MYO1D: variants seen among roughly 807,000 people sequenced by gnomAD.
MYO1D encodes myosin ID.
A neutral mutation model predicts 122.0 loss-of-function variants in MYO1D; 83 were observed. The ratio of observed to expected loss-of-function variants is 0.68; its 90% CI spans 0.57 to 0.82. The LOEUF (loss-of-function observed/expected upper bound fraction) is 0.82, where lower values mean the gene tolerates loss of function less well. Among genes scored for constraint, MYO1D ranks in the 40% least tolerant of loss-of-function variants. The probability of loss-of-function intolerance (pLI) is 0.00; values close to 1 mark genes in which losing one functional copy is unlikely to be tolerated. For missense variants in MYO1D, 1,157 were observed against 1,269.5 expected, an observed-to-expected ratio of 0.91 and a Z score of 1.35; for synonymous variants, 464 against 446.9, an observed-to-expected ratio of 1.04 and a Z score of -0.48.
intron 21 of MYO1D, among the ~76,000 whole-genome samples, chr17:32,575,062 G>A (rs1196961997): frequency 6.6e-6 from 1 of 152,162 alleles, no homozygotes; most frequent in Non-Finnish European, 1.5e-5. Flanking sequence ...AAGTATTATT[G>A]TTATTAATAA....
chr17:32,801,282 G>A (rs2090458409), intron 1 of MYO1D, among the ~76,000 whole-genome samples: 1 of 152,158 alleles, frequency 6.6e-6, no homozygotes, highest in Non-Finnish European at 1.5e-5. Flanking sequence ...TAAAATTCCA[G>A]GAAATACTTT....
chr17:32,503,324 C>T (rs1909383409), intron 21 of MYO1D, among the ~76,000 whole-genome samples: 1 of 152,212 alleles, frequency 6.6e-6, no homozygotes, highest in Admixed American at 6.5e-5. Flanking sequence ...TTGCAGGCAG[C>T]CCTGGCTCAG....
intron 21 of MYO1D, among the ~76,000 whole-genome samples, chr17:32,557,122 ATTT>A (rs11376885): frequency 2.1e-5 from 3 of 145,660 alleles, no homozygotes; most frequent in African/African-American, 7.6e-5. Context: ...TAGTTTATCC[ATTT>A]TTTTTTTTTT....
chr17:32,872,834 C>T (rs1814144827), intron 1 of MYO1D, among the ~76,000 whole-genome samples: 1 of 149,784 alleles, frequency 6.7e-6, no homozygotes, highest in African/African-American at 2.5e-5. Context: ...GTAGCTGGGA[C>T]TACAGGCGCC....
chr17:32,738,302 G>A lies in MYO1D; in HGVS notation c.1697C>T (p.Thr566Ile), dbSNP rs74422148. The A allele has an allele frequency of 1.2e-6, 2 of 1,610,256 alleles. No homozygotes were observed. Among genetic ancestry groups the A allele is most frequent in the Non-Finnish European group, 1.7e-6 (2 of 1,178,322 alleles). ...AGCAATCATAGAATTCTTAAACAAG[G>A]TAGCAGCAGTCAGAGGTCGCTTGGT... ...EVTKRPLTAA[T>I]LFKNSMIALV... is the part of the protein sequence containing the mutation. The change falls in exon 14 of 22, where the codon ACC becomes ATC. Residue 566 changes from threonine to isoleucine, a missense_variant. Thr to Ile is a moderately conservative substitution (Grantham distance 89). Coordinates refer to ENST00000318217, the MANE Select transcript of MYO1D (RefSeq NM_015194.3).
chr17:32,521,656 A>C (rs1483529701), intron 21 of MYO1D, among the ~76,000 whole-genome samples: 1 of 152,190 alleles, frequency 6.6e-6, no homozygotes, highest in Non-Finnish European at 1.5e-5. Flanking sequence ...GGATTAAATA[A>C]ATAAATCTCA....
In MYO1D at chr17:32,764,873, C is replaced by T. The variant is rs1256615572; in HGVS notation, c.1035+5G>A. 1.2e-6 allele frequency: 2 copies of T among 1,613,866 alleles called. No individual in the cohort carries two copies. Among genetic ancestry groups the T allele is most frequent in the South Asian group, 2.2e-5 (2 of 91,050 alleles). On this transcript the variant is annotated splice_donor_5th_base_variant and intron_variant, in intron 8 of 21. Transcript: ENST00000318217. ...CAGGTGACATAGGGTCAGTTACACT[C>T]TCACCTTGGCAAAGGCGTCTCTGCC...
intron 21 of MYO1D, among the ~76,000 whole-genome samples, chr17:32,549,766 C>G (rs1305349744): frequency 6.6e-6 from 1 of 152,122 alleles, no homozygotes; most frequent in Non-Finnish European, 1.5e-5. Flanking sequence ...CCTCATTTTC[C>G]TCATCTGTCA....
chr17:32,540,874 C>T (rs1319950240), intron 21 of MYO1D, among the ~76,000 whole-genome samples: 2 of 147,016 alleles, frequency 1.4e-5, no homozygotes, highest in South Asian at 2.2e-4. Context: ...TGTAGTGAGC[C>T]GAGATTGTGC....
chr17:32,742,946 A>G (rs1429779766), intron 13 of MYO1D, among the ~76,000 whole-genome samples: 1 of 152,216 alleles, frequency 6.6e-6, no homozygotes, highest in Non-Finnish European at 1.5e-5. Context: ...CAAGAGTCCC[A>G]CTGACCTTGG....
At chr17:32,629,332 C>T (rs1422480121) in intron 20 of MYO1D, among the ~76,000 whole-genome samples, 1 of 152,078 alleles carries the variant, frequency 6.6e-6, no homozygotes, top group Admixed American at 6.5e-5. Flanking sequence ...CCAAAACCTA[C>T]AGAACTCAAC....
rs79645424 is a variant in MYO1D, at chr17:32,760,501, C to G, written c.1162G>C (p.Glu388Gln). The stretch of plus-strand genomic sequence containing the variant: ...GTTTACCTGTTGTTGTCAAAGATTT[C>G]AAAGCCATAGATATCCAAGACACCA... ...VIGVLDIYGF[E>Q]IFDNNSFEQF... Residue 388 changes from glutamate (E) to glutamine (Q), a missense_variant, in exon 9 of 22, where the codon GAA becomes CAA. Physicochemically the swap from Glu to Gln is conservative, Grantham distance 29. Transcript: ENST00000318217. 6.2e-7 allele frequency: 1 copy of G among 1,613,374 alleles called. No individual in the cohort carries two copies. The highest frequency in any genetic ancestry group is 8.5e-7 in the Non-Finnish European group (1 of 1,179,688).
At chr17:32,614,072 A>T (rs1316771201) in intron 20 of MYO1D, among the ~76,000 whole-genome samples, 19 of 126,604 alleles carry the variant, frequency 1.5e-4, no homozygotes, top group Non-Finnish European at 1.6e-4. Flanking sequence ...TAATGTTTTA[A>T]TTTTTTTTTT....
rs972932702 is a variant in MYO1D, at chr17:32,813,487, G to A, written c.96-32703C>T. Among the ~76,000 whole-genome samples, 7 of 152,206 alleles carry A rather than the reference G, an allele frequency of 4.6e-5. 1 individual carries two copies. In the South Asian group the frequency reaches 1.2e-3, roughly 27 times the overall value. ...AATGGGTAGGAATTATTGAGGCGAT[G>A]GGGTGGAGGAGGAGGAGTGGGAAAG... On this transcript the variant is annotated intron_variant, in intron 1 of 21. Coordinates refer to ENST00000318217, the MANE Select transcript of MYO1D (RefSeq NM_015194.3).
At chr17:32,837,248 C>A (rs1480756945) in intron 1 of MYO1D, among the ~76,000 whole-genome samples, 1 of 120,874 alleles carries the variant, frequency 8.3e-6, no homozygotes, top group Middle Eastern at 4.7e-3. Context: ...AAAGTGCCTG[C>A]CTTTTCTTTT....
At position 32,809,162 on chromosome 17, in the gene MYO1D, T is replaced by C. The variant is rs1442888623; in HGVS notation, c.96-28378A>G. ...AAAAAAAAAAAAAAACTGTCACCCA[T>C]CCTGGAGTGCAGTTGTGCAATCATA... On this transcript the variant is annotated intron_variant, in intron 1 of 21. Coordinates refer to ENST00000318217, the MANE Select transcript of MYO1D (RefSeq NM_015194.3). 3.4e-5 allele frequency among the ~76,000 whole-genome samples: 5 copies of C among 145,798 alleles called. No individual in the cohort carries two copies. In the East Asian group the frequency reaches 8.4e-4, roughly 25 times the overall value.
intron 6 of MYO1D, among the ~76,000 whole-genome samples, chr17:32,768,983 T>C (rs368052816): frequency 5.3e-5 from 8 of 152,310 alleles, no homozygotes; most frequent in African/African-American, 1.9e-4. Context: ...CTGATTTGTT[T>C]ACTCCTCTCT....
At chr17:32,647,556 A>T (rs1313506811) in intron 19 of MYO1D, among the ~76,000 whole-genome samples, 1 of 152,188 alleles carries the variant, frequency 6.6e-6, no homozygotes, top group Non-Finnish European at 1.5e-5. Context: ...ACTGTCTTTG[A>T]TCAACTGCTC....
intron 21 of MYO1D, chr17:32,505,120 G>A (rs1010895740): frequency 2.0e-5 from 3 of 152,242 alleles, no homozygotes; most frequent in Non-Finnish European, 4.4e-5. Context: ...AGTCATCAGA[G>A]AGATCTTTTA....
Sources: gnomAD v4.1 joint callset for allele counts (sites outside exome capture counted in the v4.1 genomes callset) on GRCh38, gnomAD v4.1.1 for gene constraint, MANE v1.5 for transcripts, NCBI Gene and HGNC (gene_info 2026-07-23, HGNC 2026-07-21) for gene names.